The following TJP2 variants were observed in gnomAD, a reference collection of about 807,000 sequenced individuals.
TJP2 encodes tight junction protein 2.
In TJP2, 91 loss-of-function variants were observed where a neutral mutation model predicts 133.1. The ratio of observed to expected loss-of-function variants is 0.68; its 90% CI spans 0.58 to 0.81. The LOEUF is 0.81. Among genes scored for constraint, TJP2 ranks in the 40% least tolerant of loss-of-function variants. TJP2 has a pLI of 0.00. For missense variants in TJP2, 1,541 were observed against 1,565.6 expected (o/e 0.98, Z 0.26); for synonymous variants, 592 against 583.4 (o/e 1.01, Z -0.21).
At chr9:69,249,582 G>A in intron 20 of TJP2, 97 bp downstream of exon 20, 2 of 1,546,022 alleles carry the variant, frequency 1.3e-6, no homozygotes, top group Non-Finnish European at 1.7e-6. Context: ...CTGAGATGGT[G>A]TTTAATTACG....
chr9:69,209,709 G>A (rs1361018339), intron 1 of TJP2, among the ~76,000 whole-genome samples: 1 of 150,002 alleles, frequency 6.7e-6, no homozygotes, highest in Non-Finnish European at 1.5e-5. Flanking sequence ...AGCCCAGATC[G>A]TGCCATTGCA....
At chr9:69,137,251 T>C (rs865885720) in intron 1 of TJP2, among the ~76,000 whole-genome samples, 9 of 20,742 alleles carry the variant, frequency 4.3e-4, no homozygotes, top group Middle Eastern at 0.021. Context: ...CTCTCTCTCT[T>C]TCTTTCTTTC....
At chr9:69,201,190 C>CT (rs1227885254) in intron 1 of TJP2, among the ~76,000 whole-genome samples, 5 of 152,154 alleles carry the variant, frequency 3.3e-5, no homozygotes, top group Non-Finnish European at 1.5e-5. Context: ...GCTTTTGGGT[C>CT]TGTAAGTATG....
In TJP2 at chr9:69,221,112, G is replaced by T. The variant is rs886043873; in HGVS notation, c.568G>T (p.Asp190Tyr). The T allele has an allele frequency of 6.3e-7, 1 of 1,585,262 alleles. No homozygotes were observed. Residue 190 changes from aspartate to tyrosine, a missense_variant, in exon 5 of 23, where the codon GAC becomes TAC. Coordinates refer to ENST00000377245, the MANE Select transcript of TJP2 (RefSeq NM_004817.4). Reference protein sequence around the residue: ...PHERARSRERDLSRDRSRGRS... With the variant: ...PHERARSRERYLSRDRSRGRS... Reference sequence around the variant, plus strand: ...TGAGCGGGCCCGGAGCCGGGAGCGGGACCTCAGCCGGGACCGGAGCCGTGG... The same window carrying T: ...TGAGCGGGCCCGGAGCCGGGAGCGGTACCTCAGCCGGGACCGGAGCCGTGG...
intron 20 of TJP2, 27 bp downstream of exon 20, chr9:69,249,512 G>C (rs375249762): frequency 1.3e-5 from 21 of 1,576,368 alleles, no homozygotes; most frequent in Non-Finnish European, 1.8e-5. Context: ...CCCAGGATGG[G>C]AAGGAAGAGG....
At chr9:69,165,159 C>T (rs1230293563) in intron 2 of TJP2, among the ~76,000 whole-genome samples, 1 of 151,996 alleles carries the variant, frequency 6.6e-6, no homozygotes, top group Non-Finnish European at 1.5e-5. Context: ...GACAGGGTCT[C>T]AGTCTGTCAC....
intron 1 of TJP2, among the ~76,000 whole-genome samples, chr9:69,135,484 A>G (rs1161874843): frequency 6.6e-6 from 1 of 152,172 alleles, no homozygotes; most frequent in African/African-American, 2.4e-5. Context: ...TCTGTCACCC[A>G]GGCTGGAGTA....
At chr9:69,223,450 G>A (rs1461347034) in intron 5 of TJP2, among the ~76,000 whole-genome samples, 1 of 152,152 alleles carries the variant, frequency 6.6e-6, no homozygotes, top group Non-Finnish European at 1.5e-5. Flanking sequence ...TGGGACTGTA[G>A]GCGCCCGCCA....
chr9:69,160,229 C>A (rs1823997223), intron 2 of TJP2, among the ~76,000 whole-genome samples: 1 of 152,130 alleles, frequency 6.6e-6, no homozygotes, highest in Non-Finnish European at 1.5e-5. Flanking sequence ...AAACTTAGAT[C>A]ATGTCTCAGT....
intron 20 of TJP2, 48 bp downstream of exon 20, chr9:69,249,533 C>CTGGGGCA: frequency 1.3e-6 from 2 of 1,562,806 alleles, no homozygotes; most frequent in Non-Finnish European, 1.7e-6. Context: ...AAGCAGATGC[C>CTGGGGCA]TCTGAAGCCT....
At chr9:69,244,653 A>G (rs1830803829) in intron 17 of TJP2, among the ~76,000 whole-genome samples, 1 of 152,368 alleles carries the variant, frequency 6.6e-6, no homozygotes, top group East Asian at 1.9e-4. Flanking sequence ...GAGAGAATCC[A>G]ATAATAAGCT....
intron 6 of TJP2, 95 bp downstream of exon 6, chr9:69,225,502 G>C: frequency 2.4e-6 from 2 of 818,510 alleles, no homozygotes; most frequent in Admixed American, 2.0e-5. Flanking sequence ...CTTAGATCCA[G>C]TGAGAGTCAG....
chr9:69,232,461 CAAGTAGA>C (rs1044361055), intron 11 of TJP2, among the ~76,000 whole-genome samples: 2 of 152,182 alleles, frequency 1.3e-5, no homozygotes, highest in African/African-American at 2.4e-5. Flanking sequence ...ATGTAACCTT[CAAGTAGA>C]AAAGTGCTGC....
At chr9:69,197,645 G>A (rs912282616) in intron 1 of TJP2, among the ~76,000 whole-genome samples, 2 of 151,404 alleles carry the variant, frequency 1.3e-5, no homozygotes, top group African/African-American at 4.9e-5. Flanking sequence ...TGCTTATCCT[G>A]TGATGGGTAC....
intron 1 of TJP2, among the ~76,000 whole-genome samples, chr9:69,211,693 T>C (rs1184559962): frequency 2.0e-5 from 3 of 152,338 alleles, no homozygotes; most frequent in African/African-American, 7.2e-5. Context: ...GGTCTGTTGA[T>C]AGAAATTCTC....
chr9:69,179,512 T>TTTC (rs1825337436), intron 1 of TJP2, among the ~76,000 whole-genome samples: 1 of 78,350 alleles, frequency 1.3e-5, no homozygotes, highest in African/African-American at 5.1e-5. Flanking sequence ...TTTTTCTTTC[T>TTTC]TTTTTTTTTT....
chr9:69,174,600 G>A (rs1245412058), intron 1 of TJP2, among the ~76,000 whole-genome samples, 168 bp downstream of exon 1: 1 of 152,196 alleles, frequency 6.6e-6, no homozygotes, highest in Admixed American at 6.5e-5. Flanking sequence ...AGGTTTCACC[G>A]TCCGGGCTGA....
chr9:69,186,090 T>A (rs1038817053), intron 1 of TJP2, among the ~76,000 whole-genome samples: 1 of 152,144 alleles, frequency 6.6e-6, no homozygotes, highest in Non-Finnish European at 1.5e-5. Flanking sequence ...TTAAGACATT[T>A]AAAAATCTTG....
intron 16 of TJP2, among the ~76,000 whole-genome samples, chr9:69,239,219 C>T (rs1414412127): frequency 1.3e-5 from 2 of 150,502 alleles, no homozygotes; most frequent in African/African-American, 4.9e-5. Context: ...AAATGCAAAC[C>T]GTTTCACTGT....
Sources: gnomAD v4.1 joint callset for allele counts (sites outside exome capture counted in the v4.1 genomes callset) on GRCh38, gnomAD v4.1.1 for gene constraint, MANE v1.5 for transcripts, NCBI Gene and HGNC (gene_info 2026-07-23, HGNC 2026-07-21) for gene names.